The following BLTP3B variants were observed in gnomAD, a reference collection of about 807,000 sequenced individuals.
The protein encoded by BLTP3B is UHRF1 (ICBP90) binding protein 1-like.
the BLTP3B span, chr12:100,069,863 A>C: frequency 2.5e-6 from 2 of 794,536 alleles, no homozygotes; most frequent in East Asian, 2.2e-4. Context: ...ATGGAAATAA[A>C]AAATTTTTTT....
At chr12:100,090,077 G>A in the BLTP3B span, among the ~76,000 whole-genome samples, 1 of 152,198 alleles carries the variant, frequency 6.6e-6, no homozygotes, top group African/African-American at 2.4e-5. Context: ...GGAACTGTAA[G>A]TAGATTGCCC....
chr12:100,084,659 C>T, the BLTP3B span: 1 of 1,611,470 alleles, frequency 6.2e-7, no homozygotes, highest in African/African-American at 1.3e-5. Context: ...CAACTATCTC[C>T]TGTAAAATGA....
At chr12:100,059,468 C>G in the BLTP3B span, 2 of 1,612,920 alleles carry the variant, frequency 1.2e-6, no homozygotes, top group Non-Finnish European at 1.7e-6. Context: ...TTTCAGAACT[C>G]TGAATAGAAA....
the BLTP3B span, chr12:100,084,780 T>C: frequency 9.8e-7 from 1 of 1,015,728 alleles, no homozygotes; most frequent in Non-Finnish European, 1.4e-6. Flanking sequence ...CTGAAAAATT[T>C]ACAGGCTTCA....
At chr12:100,109,973 C>G in the BLTP3B span, among the ~76,000 whole-genome samples, 1 of 152,096 alleles carries the variant, frequency 6.6e-6, no homozygotes, top group African/African-American at 2.4e-5. Context: ...AATATCACAA[C>G]TAACAATGAA....
chr12:100,097,430 T>C, the BLTP3B span: 6 of 1,613,666 alleles, frequency 3.7e-6, no homozygotes, highest in Non-Finnish European at 5.1e-6. Context: ...GCACACATAA[T>C]TTCAAGATGT....
At chr12:100,095,511 C>T in the BLTP3B span, among the ~76,000 whole-genome samples, 18 of 152,298 alleles carry the variant, frequency 1.2e-4, no homozygotes, top group South Asian at 8.3e-4. Flanking sequence ...ATAGCTACTA[C>T]TTATATAAAA....
chr12:100,049,569 T>A, the BLTP3B span, among the ~76,000 whole-genome samples: 1 of 152,202 alleles, frequency 6.6e-6, no homozygotes, highest in Non-Finnish European at 1.5e-5. Context: ...AGGTACAGAA[T>A]TATATTTAAT....
the BLTP3B span, among the ~76,000 whole-genome samples, chr12:100,042,226 T>G: frequency 1.3e-5 from 2 of 152,198 alleles, no homozygotes; most frequent in African/African-American, 4.8e-5. Flanking sequence ...AGCTGGCGTC[T>G]TTGTAGAAAT....
At chr12:100,048,181 G>C in the BLTP3B span, 1 of 1,591,952 alleles carries the variant, frequency 6.3e-7, no homozygotes, top group Admixed American at 1.8e-5. Flanking sequence ...ATGAATTACA[G>C]CTTTCTGATC....
At chr12:100,115,368 C>A in the BLTP3B span, among the ~76,000 whole-genome samples, 1 of 152,160 alleles carries the variant, frequency 6.6e-6, no homozygotes, top group African/African-American at 2.4e-5. Context: ...ATCACACCAC[C>A]ACACTCCAGC....
chr12:100,068,863 G>A, the BLTP3B span, among the ~76,000 whole-genome samples: 1 of 152,158 alleles, frequency 6.6e-6, no homozygotes, highest in African/African-American at 2.4e-5. Flanking sequence ...TTGATGCAGT[G>A]AACAGAGAAT....
chr12:100,104,028 A>G, the BLTP3B span: 1 of 1,080,928 alleles, frequency 9.3e-7, no homozygotes, highest in Non-Finnish European at 1.3e-6. Flanking sequence ...TACAGGTGTT[A>G]TATTAATATA....
chr12:100,059,995 A>T, the BLTP3B span: 26 of 1,612,442 alleles, frequency 1.6e-5, 2 homozygotes, highest in Middle Eastern at 4.3e-3. Context: ...TCTTTCATCC[A>T]CAGTAAACTG....
At chr12:100,062,856 G>A in the BLTP3B span, among the ~76,000 whole-genome samples, 1 of 152,142 alleles carries the variant, frequency 6.6e-6, no homozygotes, top group East Asian at 1.9e-4. Context: ...AGCTACTAGC[G>A]AGGCTGAGGT....
At chr12:100,138,886 CTAA>C in the BLTP3B span, among the ~76,000 whole-genome samples, 9 of 151,554 alleles carry the variant, frequency 5.9e-5, no homozygotes, top group Non-Finnish European at 1.0e-4. Flanking sequence ...CACACACACA[CTAA>C]TGTCTTGAGC....
the BLTP3B span, among the ~76,000 whole-genome samples, chr12:100,044,465 A>G: frequency 6.6e-6 from 1 of 152,208 alleles, no homozygotes. Flanking sequence ...CTACTAAAAT[A>G]GTGAAGCCCA....
At chr12:100,116,461 A>AG in the BLTP3B span, among the ~76,000 whole-genome samples, 806 of 151,254 alleles carry the variant, frequency 5.3e-3, 7 homozygotes, top group African/African-American at 0.018. Context: ...AAAAAAAAAA[A>AG]AAAAAGAAAA....
chr12:100,059,654 T>C, the BLTP3B span: 2 of 1,210,228 alleles, frequency 1.7e-6, no homozygotes, highest in Non-Finnish European at 1.1e-6. Context: ...ACTACTTTCC[T>C]ATTAAGACGT....
Sources: gnomAD v4.1 joint callset for allele counts (sites outside exome capture counted in the v4.1 genomes callset) on GRCh38, gnomAD v4.1.1 for gene constraint, MANE v1.5 for transcripts, NCBI Gene and HGNC (gene_info 2026-07-23, HGNC 2026-07-21) for gene names.